CPED1: variants seen among roughly 807,000 people sequenced by gnomAD.
CPED1 encodes the protein cadherin like and PC-esterase domain containing 1.
A neutral mutation model predicts 128.2 loss-of-function variants in CPED1; 114 were observed. The ratio of observed to expected loss-of-function variants is 0.89; its 90% CI spans 0.76 to 1.04. The LOEUF is 1.04. CPED1 is among the 50% of genes least tolerant of loss of function. The pLI, the probability that CPED1 is intolerant of heterozygous loss-of-function variation, is 0.00. For missense variants in CPED1, 1,211 were observed against 1,207.1 expected (o/e 1.00, Z -0.05); for synonymous variants, 462 against 426.7 (o/e 1.08, Z -1.02).
At position 121,097,771 on chromosome 7, in the gene CPED1, A is replaced by G; in HGVS notation, c.689A>G (p.His230Arg). ...GMQLKPSTSS[H>R]LLKTVKPRVW... Reference sequence around the variant, plus strand: ...CAATTAAAGCCGAGTACTTCGAGTCACCTTTTAAAAACAGTGAAGCCACGT... The same window carrying G: ...CAATTAAAGCCGAGTACTTCGAGTCGCCTTTTAAAAACAGTGAAGCCACGT... Residue 230 changes from histidine to arginine, a missense_variant, in exon 6 of 23, where the codon CAC becomes CGC. His to Arg is a conservative substitution (Grantham distance 29). Coordinates refer to ENST00000310396, the MANE Select transcript of CPED1 (RefSeq NM_024913.5). 1 of 1,613,884 alleles carries G rather than the reference A, an allele frequency of 6.2e-7. No homozygotes were observed. Among genetic ancestry groups the G allele is most frequent in the South Asian group, 1.1e-5 (1 of 91,078 alleles).
intron 16 of CPED1, among the ~76,000 whole-genome samples, chr7:121,214,513 C>T (rs976477375): frequency 1.6e-4 from 24 of 151,974 alleles, no homozygotes; most frequent in African/African-American, 4.6e-4. Flanking sequence ...AGACTGGTCT[C>T]GAACTCCTGA....
chr7:121,266,821 A>G lies in CPED1; in HGVS notation c.2633+13A>G. The G allele has an allele frequency of 6.3e-7, 1 of 1,574,926 alleles. No homozygotes were observed. Among genetic ancestry groups the G allele is most frequent in the Non-Finnish European group, 8.7e-7 (1 of 1,144,722 alleles). The stretch of plus-strand genomic sequence containing the variant: ...AAGTTTTGAAGAGGTAAATGTCTGC[A>G]ACAATAATTGTCATTAGTATTCTAA... On this transcript the variant is annotated intron_variant, in intron 20 of 22. Coordinates refer to ENST00000310396, the MANE Select transcript of CPED1 (RefSeq NM_024913.5).
intron 18 of CPED1, among the ~76,000 whole-genome samples, chr7:121,262,241 G>T (rs1013772638): frequency 6.6e-6 from 1 of 152,032 alleles, no homozygotes. Flanking sequence ...CTGGTGCCAT[G>T]CTTGTATAGC....
intron 3 of CPED1, among the ~76,000 whole-genome samples, chr7:121,019,455 A>G (rs1038079137): frequency 6.6e-6 from 1 of 152,076 alleles, no homozygotes; most frequent in African/African-American, 2.4e-5. Context: ...AGGATTTTAC[A>G]TGTTAAAAAC....
rs116438827 is a variant in CPED1 at position 121,253,925 on chromosome 7, T to C, written c.2310+9587T>C. ...AAGCACCTAGATTCATAAAACACGT[T>C]CTTGTTGGCCTATGAACAGATTTAG... On this transcript the variant is annotated intron_variant, in intron 18 of 22. Transcript: ENST00000310396. Among the ~76,000 whole-genome samples, 369 of 152,144 alleles carry C rather than the reference T, an allele frequency of 2.4e-3. 2 individuals carry two copies. Among genetic ancestry groups the C allele is most frequent in the African/African-American group, 8.6e-3 (357 of 41,532 alleles).
At chr7:121,093,724 A>G (rs914413672) in intron 5 of CPED1, among the ~76,000 whole-genome samples, 3 of 152,206 alleles carry the variant, frequency 2.0e-5, no homozygotes, top group Admixed American at 2.0e-4. Context: ...ACCTGTAGCC[A>G]TAGTCTTCTT....
chr7:120,994,692 G>A (rs900365920), intron 2 of CPED1, among the ~76,000 whole-genome samples: 2 of 150,102 alleles, frequency 1.3e-5, no homozygotes, highest in African/African-American at 2.5e-5. Context: ...AAGCAGGAAG[G>A]CAAATACACA....
At chr7:121,014,464 T>C (rs1393609406) in intron 2 of CPED1, among the ~76,000 whole-genome samples, 1 of 151,414 alleles carries the variant, frequency 6.6e-6, no homozygotes, top group Non-Finnish European at 1.5e-5. Context: ...GGCAGGAGAA[T>C]TGTGTGAACC....
chr7:121,143,276 C>T (rs1795946741), intron 16 of CPED1, among the ~76,000 whole-genome samples: 2 of 151,946 alleles, frequency 1.3e-5, no homozygotes, highest in African/African-American at 4.8e-5. Flanking sequence ...AAGCAATAAG[C>T]TAAACAAAGT....
At chr7:121,052,521 G>A (rs976285063) in intron 4 of CPED1, among the ~76,000 whole-genome samples, 4 of 151,972 alleles carry the variant, frequency 2.6e-5, no homozygotes, top group Admixed American at 1.3e-4. Context: ...ATTAGACACC[G>A]GACAGTCTCC....
At chr7:121,245,368 C>T (rs1584627576) in intron 18 of CPED1, among the ~76,000 whole-genome samples, 4 of 151,940 alleles carry the variant, frequency 2.6e-5, no homozygotes, top group African/African-American at 7.3e-5. Context: ...ACTTATGTTG[C>T]AGTGTTATTA....
At chr7:121,167,684 A>C (rs1796562273) in intron 16 of CPED1, among the ~76,000 whole-genome samples, 1 of 151,830 alleles carries the variant, frequency 6.6e-6, no homozygotes, top group South Asian at 2.1e-4. Context: ...TCTGAAGAAA[A>C]CTACTAGAAC....
intron 3 of CPED1, among the ~76,000 whole-genome samples, chr7:121,027,179 C>A (rs1047050872): frequency 6.6e-6 from 1 of 151,710 alleles, no homozygotes; most frequent in Non-Finnish European, 1.5e-5. Context: ...TATGAAATCC[C>A]CCCTCAATTC....
intron 16 of CPED1, among the ~76,000 whole-genome samples, chr7:121,163,747 C>T (rs1312617471): frequency 6.6e-6 from 1 of 152,126 alleles, no homozygotes; most frequent in Non-Finnish European, 1.5e-5. Context: ...GACAAGTGTC[C>T]TGAATTCCTA....
chr7:121,217,763 C>T (rs1366454020), intron 16 of CPED1, among the ~76,000 whole-genome samples: 1 of 152,098 alleles, frequency 6.6e-6, no homozygotes, highest in East Asian at 1.9e-4. Flanking sequence ...TACCTCACAG[C>T]ACCTGAAAGC....
chr7:121,233,370 G>A (rs918568492), intron 16 of CPED1, among the ~76,000 whole-genome samples: 1 of 151,956 alleles, frequency 6.6e-6, no homozygotes, highest in African/African-American at 2.4e-5. Flanking sequence ...GTGGCTCCAA[G>A]AGATGACACT....
chr7:121,167,985 G>A (rs539309000), intron 16 of CPED1, among the ~76,000 whole-genome samples: 3 of 151,858 alleles, frequency 2.0e-5, no homozygotes, highest in Non-Finnish European at 4.4e-5. Flanking sequence ...CGCCCGCCTC[G>A]GCCTCCCAAA....
chr7:120,988,850 A>G lies in CPED1; in HGVS notation c.-294A>G, dbSNP rs1010035927. Reference sequence around the variant, plus strand: ...GGGTGTTTCCTTCCGAGTGGTTTTCATCAGCAATCCATTAGGAAATCATGG... The same window carrying G: ...GGGTGTTTCCTTCCGAGTGGTTTTCGTCAGCAATCCATTAGGAAATCATGG... On this transcript the variant is annotated 5_prime_UTR_variant, in exon 1 of 23. Transcript: ENST00000310396. 2.0e-5 allele frequency: 3 copies of G among 152,236 alleles called. No individual in the cohort carries two copies. Among genetic ancestry groups the G allele is most frequent in the African/African-American group, 7.2e-5 (3 of 41,440 alleles). 9.4% of individuals were successfully genotyped at this position (152,236 alleles called of 1,614,324 possible). A position where few individuals can be genotyped will look rare whatever the true frequency, so the allele number is the denominator to read the frequency against.
At chr7:121,077,874 A>T (rs1794173849) in intron 5 of CPED1, among the ~76,000 whole-genome samples, 1 of 151,912 alleles carries the variant, frequency 6.6e-6, no homozygotes, top group Non-Finnish European at 1.5e-5. Context: ...TAATCAAATT[A>T]TTATTTTTAA....
Sources: gnomAD v4.1 joint callset for allele counts (sites outside exome capture counted in the v4.1 genomes callset) on GRCh38, gnomAD v4.1.1 for gene constraint, MANE v1.5 for transcripts, NCBI Gene and HGNC (gene_info 2026-07-23, HGNC 2026-07-21) for gene names.